The following NDUFA10 variants were observed in gnomAD, a reference collection of about 807,000 sequenced individuals.
NDUFA10 encodes the protein NADH dehydrogenase [ubiquinone] 1 alpha subcomplex subunit 10, mitochondrial.
Under a neutral mutation model 47.8 loss-of-function variants are expected in NDUFA10, and 40 were observed. The observed-to-expected ratio is 0.84, with a 90% CI of 0.65 to 1.09. The LOEUF is 1.09. NDUFA10 is among the 50% of genes least tolerant of loss of function. NDUFA10 has a pLI of 0.00. For synonymous variants in NDUFA10, 183 were observed against 172.2 expected, an observed-to-expected ratio of 1.06 and a Z score of -0.49; for missense variants, 413 against 451.1, an observed-to-expected ratio of 0.92 and a Z score of 0.76.
At chr2:239,983,775 C>T in intron 9 of NDUFA10, 1 of 1,526,450 alleles carries the variant, frequency 6.6e-7, no homozygotes, top group Non-Finnish European at 8.8e-7. Context: ...ACCTCACCAG[C>T]ACTCCTTATT....
At chr2:240,022,019 G>A (rs1271760901) in intron 2 of NDUFA10, among the ~76,000 whole-genome samples, 153 bp downstream of exon 2, 1 of 152,068 alleles carries the variant, frequency 6.6e-6, no homozygotes, top group Non-Finnish European at 1.5e-5. Flanking sequence ...TTATAAAACA[G>A]CTTTTTCAAT....
At chr2:239,897,511 T>A (rs555358717) in intron 4 of NDUFA10, among the ~76,000 whole-genome samples, 2 of 152,322 alleles carry the variant, frequency 1.3e-5, no homozygotes, top group Non-Finnish European at 2.9e-5. Context: ...CTCAGATTAA[T>A]AAAACCAAAT....
At chr2:239,914,306 AACAC>A (rs1001806414) in intron 4 of NDUFA10, among the ~76,000 whole-genome samples, 3 of 150,910 alleles carry the variant, frequency 2.0e-5, no homozygotes, top group African/African-American at 4.9e-5. Context: ...GAGATACTCA[AACAC>A]ACACACAGAA....
Position 239,935,534 on chromosome 2 carries a change from G to A in NDUFA10, c.295-40220C>T, listed in dbSNP as rs550607893. On this transcript the variant is annotated intron_variant, in intron 4 of 5. Transcript: ENST00000419408. ...AATATTTTCCCACAGAGTTGAGGAC[G>A]GGGACTCCCTGGCTGTCTCACTCCC... Among the ~76,000 whole-genome samples the A allele has an allele frequency of 4.6e-5, 7 of 152,190 alleles. No homozygotes were observed. In the East Asian group the frequency reaches 5.8e-4, roughly 13 times the overall value.
At chr2:239,947,624 C>T (rs1175289421) in intron 4 of NDUFA10, among the ~76,000 whole-genome samples, 5 of 152,218 alleles carry the variant, frequency 3.3e-5, no homozygotes, top group Non-Finnish European at 5.9e-5. Flanking sequence ...CCCCAGGCCT[C>T]CAGGCCCAGG....
rs2106381036 is a variant in NDUFA10 at position 239,945,652 on chromosome 2, C to G, written c.294+44422G>C. ...TTCTCACGGAATGGATCGATTGGCC[C>G]TGGGATGAAAACCAGCATGTCAGAG... On this transcript the variant is annotated intron_variant, in intron 4 of 5. Coordinates refer to the NDUFA10 transcript ENST00000419408. This position sits in a 1 kb window ranked among gnomAD's most constrained non-coding sequence, Gnocchi z 4.6. Among the ~76,000 whole-genome samples, 1 of 152,328 alleles carries G rather than the reference C, an allele frequency of 6.6e-6. No individual in the cohort carries two copies. The highest frequency in any genetic ancestry group is 6.5e-5 in the Admixed American group (1 of 15,300).
rs181389639 is a variant in NDUFA10, at chr2:239,920,980, T to G, written c.295-25666A>C. 3.3e-5 allele frequency among the ~76,000 whole-genome samples: 5 copies of G among 152,248 alleles called. No individual in the cohort carries two copies. The South Asian group carries it at 1.0e-3, about 32-fold the overall frequency. ...CTGGGGAAGGCTGAATGCCTAGAGA[T>G]GATTGTCCAGGAAGTAGCATCTTCC... is the stretch of plus-strand genomic sequence containing the variant. On this transcript the variant is annotated intron_variant, in intron 4 of 5. Coordinates refer to the NDUFA10 transcript ENST00000419408.
intron 9 of NDUFA10, among the ~76,000 whole-genome samples, chr2:239,972,606 G>C (rs911515200): frequency 5.3e-5 from 8 of 152,016 alleles, no homozygotes; most frequent in Admixed American, 4.6e-4. Flanking sequence ...AACAAAATTG[G>C]CATAAATTTT....
intron 9 of NDUFA10, among the ~76,000 whole-genome samples, chr2:239,971,422 C>T (rs529042178): frequency 6.6e-5 from 10 of 152,326 alleles, no homozygotes; most frequent in South Asian, 2.1e-4. Flanking sequence ...TCTGCCTCCT[C>T]GAATCCTGCC....
At chr2:240,013,263 C>T (rs1196011722) in intron 5 of NDUFA10, 3 of 152,178 alleles carry the variant, frequency 2.0e-5, no homozygotes, top group Non-Finnish European at 4.4e-5. Flanking sequence ...CACAGACTTA[C>T]TGATAATGTG....
intron 4 of NDUFA10, among the ~76,000 whole-genome samples, chr2:239,904,673 C>G (rs888894048): frequency 5.3e-5 from 8 of 152,226 alleles, no homozygotes; most frequent in Admixed American, 5.2e-4. Flanking sequence ...ACCTGAGAGC[C>G]AGGGCCCCAC....
intron 8 of NDUFA10, among the ~76,000 whole-genome samples, chr2:239,990,930 CTCT>C (rs1230720746): frequency 6.6e-6 from 1 of 151,966 alleles, no homozygotes; most frequent in East Asian, 1.9e-4. Context: ...AAAATAAAGT[CTCT>C]TTTCTTAAGG....
intron 4 of NDUFA10, among the ~76,000 whole-genome samples, chr2:239,921,690 C>A (rs994157671): frequency 6.6e-6 from 1 of 151,968 alleles, no homozygotes; most frequent in Admixed American, 6.6e-5. Context: ...ATTTTACAAT[C>A]CCCTTGTAAG....
rs531982134 is a variant in NDUFA10, at chr2:239,938,647, G to C, written c.295-43333C>G. On this transcript the variant is annotated intron_variant, in intron 4 of 5. Transcript: ENST00000419408. Reference sequence around the variant, plus strand: ...ATCTCTGGATCTCAGTCTCCTCTCTGCCTTTGCATGAGCTGCCCTGGGGGG... The same window carrying C: ...ATCTCTGGATCTCAGTCTCCTCTCTCCCTTTGCATGAGCTGCCCTGGGGGG... Among the ~76,000 whole-genome samples, 12 of 152,302 alleles carry C rather than the reference G, an allele frequency of 7.9e-5. No homozygotes were observed. The South Asian group carries it at 2.5e-3, about 32-fold the overall frequency.
chr2:239,942,258 G>A lies in NDUFA10; in HGVS notation c.295-46944C>T, dbSNP rs549591973. ...CAGCGGTGTTCACGCGGTAGTGTGC[G>A]CTGCAATCACCTTGCTAAACACAGA... On this transcript the variant is annotated intron_variant, in intron 4 of 5. Transcript: ENST00000419408. Among the ~76,000 whole-genome samples the A allele has an allele frequency of 5.3e-5, 8 of 152,342 alleles. No homozygotes were observed. The South Asian group carries it at 1.2e-3, about 24-fold the overall frequency.
At chr2:239,944,099 C>T (rs529388775) in intron 4 of NDUFA10, among the ~76,000 whole-genome samples, 20 of 152,310 alleles carry the variant, frequency 1.3e-4, no homozygotes, top group African/African-American at 4.8e-4. Flanking sequence ...TGCAGGGCAC[C>T]GGTGCCCGCA....
At position 239,985,320 on chromosome 2, in the gene NDUFA10, A is replaced by G. The variant is rs1695955236; in HGVS notation, c.999+4754T>C. 3.3e-5 allele frequency among the ~76,000 whole-genome samples: 5 copies of G among 152,348 alleles called. No individual in the cohort carries two copies. The South Asian group carries it at 1.0e-3, about 32-fold the overall frequency. ...TATCAGCAGTAAACTTGAAATTATA[A>G]CAATGAAAACTCTAGAATCAAAAAC... On this transcript the variant is annotated intron_variant, in intron 9 of 9. Transcript: ENST00000252711.
intron 4 of NDUFA10, among the ~76,000 whole-genome samples, chr2:239,944,087 G>A (rs1415414281): frequency 2.0e-5 from 3 of 152,276 alleles, no homozygotes; most frequent in South Asian, 2.1e-4. Flanking sequence ...TCCTCCTCCA[G>A]GTGCAGGGCA....
rs557044139 is a variant in NDUFA10, at chr2:239,935,218, G to A, written c.295-39904C>T. 4.6e-4 allele frequency among the ~76,000 whole-genome samples: 70 copies of A among 152,304 alleles called. 1 individual carries two copies. The highest frequency in any genetic ancestry group is 1.6e-3 in the African/African-American group (65 of 41,560). ...CCTGGGCAAGTATTGGAAGGCCCTC[G>A]TTTCCCCCAGTCCCTGCCTGCCCTG... On this transcript the variant is annotated intron_variant, in intron 4 of 5. Coordinates refer to the NDUFA10 transcript ENST00000419408.
Sources: allele counts gnomAD v4.1 joint callset (sites outside exome capture counted in the v4.1 genomes callset), GRCh38; gene constraint gnomAD v4.1.1; non-coding constraint Gnocchi (gnomAD v3.1); transcripts MANE v1.5; gene names NCBI Gene and HGNC (gene_info 2026-07-23, HGNC 2026-07-21).